SLC23A3: variants seen among roughly 807,000 people sequenced by gnomAD.
SLC23A3 encodes the protein solute carrier family 23 member 3, also known as E2-binding protein 3.
SLC23A3 carries 41 observed loss-of-function variants against 64.7 expected under a neutral mutation model. That is an observed-to-expected ratio of 0.63 (90% confidence interval 0.49 to 0.82). The LOEUF is 0.82. SLC23A3 is among the 40% of genes least tolerant of loss of function. The pLI, the probability that SLC23A3 is intolerant of heterozygous loss-of-function variation, is 0.00. For missense variants in SLC23A3, 647 were observed against 733.4 expected, an observed-to-expected ratio of 0.88 and a Z score of 1.36; for synonymous variants, 281 against 306.8, an observed-to-expected ratio of 0.92 and a Z score of 0.88.
In SLC23A3 at chr2:219,169,544, G is replaced by A. The variant is rs777135657; in HGVS notation, c.297C>T (p.Ile99=). Reference sequence around the variant, plus strand: ...ACCTGCTGCCCATCCAAGTTTGCAGGATGGTAGACATACCACATGAAAAGA... The same window carrying A: ...ACCTGCTGCCCATCCAAGTTTGCAGAATGGTAGACATACCACATGAAAAGA... The part of the protein sequence containing the change: ...SSFFSCGMST[I]LQTWMGSRLP... The change falls in exon 2 of 12, where the codon ATC becomes ATT. Residue 99 remains isoleucine, a synonymous_variant. Coordinates refer to ENST00000409878, the MANE Select transcript of SLC23A3 (RefSeq NM_001144889.2). The surrounding 1 kb of genome is among the most constrained non-coding windows in gnomAD (Gnocchi z 4.5). 3.1e-6 allele frequency: 5 copies of A among 1,614,184 alleles called. No individual in the cohort carries two copies. Among genetic ancestry groups the A allele is most frequent in the Non-Finnish European group, 4.2e-6 (5 of 1,180,046 alleles).
At chr2:219,166,913 G>A (rs1410607704) in intron 7 of SLC23A3, among the ~76,000 whole-genome samples, 2 of 152,204 alleles carry the variant, frequency 1.3e-5, no homozygotes, top group Non-Finnish European at 2.9e-5. Context: ...TTCCTCGGGT[G>A]ACTCTTTAAT....
Position 219,168,024 on chromosome 2 carries a change from A to C in SLC23A3, c.819T>G (p.Cys273Trp). The change falls in exon 7 of 12, where the codon TGT (cysteine) becomes TGG (tryptophan). Residue 273 changes from cysteine (C) to tryptophan (W), a missense_variant. Coordinates refer to ENST00000409878, the MANE Select transcript of SLC23A3 (RefSeq NM_001144889.2). Reference sequence around the variant, plus strand: ...CCACAAAGGCAGAAACAATCCACACACAGGCCACTGGGATCAGCACCTGAG... The same window carrying C: ...CCACAAAGGCAGAAACAATCCACACCCAGGCCACTGGGATCAGCACCTGAG... ...RLLSVLIPVA[C>W]VWIVSAFVGF... 6.3e-7 allele frequency: 1 copy of C among 1,588,408 alleles called. No homozygotes were observed. Among genetic ancestry groups the C allele is most frequent in the Non-Finnish European group, 8.5e-7 (1 of 1,171,756 alleles).
At chr2:219,168,955 C>T in intron 4 of SLC23A3, 74 bp downstream of exon 4, 6 of 1,560,858 alleles carry the variant, frequency 3.8e-6, no homozygotes, top group Non-Finnish European at 5.3e-6. Context: ...GCATCTCAGT[C>T]TGTGCATAAT....
intron 5 of SLC23A3, 55 bp downstream of exon 5, chr2:219,168,597 G>T: frequency 6.5e-7 from 1 of 1,548,126 alleles, no homozygotes; most frequent in East Asian, 2.3e-5. Flanking sequence ...CCCTCCCCTA[G>T]TCCCCCCATA....
Position 219,163,559 on chromosome 2 carries a change from T to C in SLC23A3, c.1274-4A>G. The stretch of plus-strand genomic sequence containing the variant: ...TGGGTCACCCCCAGCACCCCACCTG[T>C]CTCATACAGAAGAAATCAAGGGGGT... On this transcript the variant is annotated splice_region_variant and splice_polypyrimidine_tract_variant and intron_variant, in intron 9 of 11. Transcript: ENST00000409878. 6.2e-7 allele frequency: 1 copy of C among 1,613,990 alleles called. No homozygotes were observed. Among genetic ancestry groups the C allele is most frequent in the Non-Finnish European group, 8.5e-7 (1 of 1,180,006 alleles).
At position 219,168,337 on chromosome 2, in the gene SLC23A3, T is replaced by C. The variant is rs1950024988; in HGVS notation, c.675-19A>G. The C allele has an allele frequency of 2.5e-6, 4 of 1,571,742 alleles. No homozygotes were observed. Among genetic ancestry groups the C allele is most frequent in the Non-Finnish European group, 3.5e-6 (4 of 1,158,990 alleles). On this transcript the variant is annotated intron_variant, in intron 5 of 11. Transcript: ENST00000409878. ...GATAACCCTAGGAGACAGAAGGCTT[T>C]AGGAGCAAGAGGCAGTGGGTATCCT...
chr2:219,167,862 T>G, intron 7 of SLC23A3, 68 bp downstream of exon 7: 1 of 1,202,242 alleles, frequency 8.3e-7, no homozygotes, highest in Non-Finnish European at 1.2e-6. Context: ...TAAAATCCAT[T>G]AAGTTCTTTG....
chr2:219,163,041 CCTT>C (rs146422148), intron 10 of SLC23A3, among the ~76,000 whole-genome samples: 2,773 of 152,290 alleles, frequency 0.018, 88 homozygotes, highest in African/African-American at 0.062. Flanking sequence ...TCAGGAATGA[CCTT>C]CTTCTCACCA....
Position 219,168,671 on chromosome 2 carries a change from G to C in SLC23A3, c.655C>G (p.His219Asp), listed in dbSNP as rs1243139086. The C allele has an allele frequency of 6.2e-7, 1 of 1,613,862 alleles. No individual in the cohort carries two copies. Among genetic ancestry groups the C allele is most frequent in the Non-Finnish European group, 8.5e-7 (1 of 1,179,902 alleles). The change falls in exon 5 of 12, where the codon CAC becomes GAC. Residue 219 changes from histidine to aspartate, a missense_variant. By Grantham distance (81) the His-to-Asp change is moderately conservative. Coordinates refer to ENST00000409878, the MANE Select transcript of SLC23A3 (RefSeq NM_001144889.2). ...HREVAQFCFTHWGLALLVILL... is the reference protein window; with the variant it reads ...HREVAQFCFTDWGLALLVILL... Reference sequence around the variant, plus strand: ...ACGTACAGCAAGGCCAACCCCCAGTGTGTGAAGCAGAACTGGGCTACCTCC... The same window carrying C: ...ACGTACAGCAAGGCCAACCCCCAGTCTGTGAAGCAGAACTGGGCTACCTCC...
In SLC23A3 at chr2:219,164,387, C is replaced by G. The variant is rs896365528; in HGVS notation, c.1168-49G>C. 3.9e-6 allele frequency: 5 copies of G among 1,271,984 alleles called. No individual in the cohort carries two copies. The African/African-American group carries it at 7.4e-5, about 19-fold the overall frequency. 78.8% of individuals were successfully genotyped at this position (1,271,984 alleles called of 1,614,324 possible). A position where few individuals can be genotyped will look rare whatever the true frequency, so the allele number is the denominator to read the frequency against. On this transcript the variant is annotated intron_variant, in intron 8 of 11. Coordinates refer to ENST00000409878, the MANE Select transcript of SLC23A3 (RefSeq NM_001144889.2). ...AAACACAGCCACTTCCTCAGACTGTCCCAGGTCTTTGCCTTACTGGTTCCT... is the reference window on the plus strand; with the variant it reads ...AAACACAGCCACTTCCTCAGACTGTGCCAGGTCTTTGCCTTACTGGTTCCT...
In SLC23A3 at chr2:219,164,223, A is replaced by C. The variant is rs759462861; in HGVS notation, c.1273+10T>G. ...AGTTCAATACCAGCCCTGTTGATAC[A>C]TCCACTCACCAACAACAGGCAGTGG... On this transcript the variant is annotated intron_variant, in intron 9 of 11. Transcript: ENST00000409878. 2 of 1,580,242 alleles carry C rather than the reference A, an allele frequency of 1.3e-6. No homozygotes were observed. Among genetic ancestry groups the C allele is most frequent in the Non-Finnish European group, 1.7e-6 (2 of 1,154,396 alleles).
chr2:219,166,901 A>G (rs1950010063), intron 7 of SLC23A3, among the ~76,000 whole-genome samples: 1 of 152,120 alleles, frequency 6.6e-6, no homozygotes, highest in South Asian at 2.1e-4. Context: ...GCAATTTTAT[A>G]TTTCCTCGGG....
chr2:219,168,478 A>T, intron 5 of SLC23A3, 160 bp from the exon 6 acceptor site: 2 of 1,127,178 alleles, frequency 1.8e-6, no homozygotes, highest in Non-Finnish European at 2.5e-6. Context: ...AGCAGAAAAC[A>T]GTGTGAAATT....
rs1452878482 is a variant in SLC23A3, at chr2:219,165,290, G to A, written c.1046C>T (p.Pro349Leu). The part of the protein sequence containing the change: ...GRLLHLPPPP[P>L]HACSRGLSLE... ...GCTCAGCCCTCGACTGCAGGCATGT[G>A]GAGGTGGGGGAGGCAAATGCAGCAG... The change falls in exon 8 of 12, where the codon CCA (proline) becomes CTA (leucine). Residue 349 changes from proline to leucine, a missense_variant. Pro to Leu is a moderately conservative substitution (Grantham distance 98). Transcript: ENST00000409878. 3 of 1,551,638 alleles carry A rather than the reference G, an allele frequency of 1.9e-6. No homozygotes were observed. The South Asian group carries it at 3.6e-5, about 18-fold the overall frequency.
chr2:219,162,549 C>T (rs549905119), intron 10 of SLC23A3, among the ~76,000 whole-genome samples, 155 bp from the exon 11 acceptor site: 1 of 152,324 alleles, frequency 6.6e-6, no homozygotes, highest in African/African-American at 2.4e-5. Context: ...TTCTACTCTC[C>T]ACTTTCCAAA....
Position 219,165,406 on chromosome 2 carries a change from A to G in SLC23A3, c.930T>C (p.Pro310=). 1.3e-6 allele frequency: 2 copies of G among 1,550,558 alleles called. No homozygotes were observed. Among genetic ancestry groups the G allele is most frequent in the African/African-American group, 2.7e-5 (2 of 73,166 alleles). The change falls in exon 8 of 12, where the codon CCT becomes CCC. Residue 310 remains proline (P), a synonymous_variant. Transcript: ENST00000409878. Reference sequence around the variant, plus strand: ...CAGCCAGAGCTCTGGGCGTCAGCAAAGGCCAATTCCACTCACCTGGGGAGG... The same window carrying G: ...CAGCCAGAGCTCTGGGCGTCAGCAAGGGCCAATTCCACTCACCTGGGGAGG... ...WLPHPGEWNW[P]LLTPRALAAG...
chr2:219,168,481 G>A (rs1950026146), intron 5 of SLC23A3, 163 bp from the exon 6 acceptor site: 2 of 1,128,162 alleles, frequency 1.8e-6, no homozygotes, highest in South Asian at 1.6e-5. Flanking sequence ...AGAAAACAGT[G>A]TGAAATTCAA....
rs1373596866 is a variant in SLC23A3, at chr2:219,162,380, C to A, written c.1456G>T (p.Asp486Tyr). The A allele has an allele frequency of 6.8e-6, 11 of 1,613,620 alleles. No individual in the cohort carries two copies. The highest frequency in any genetic ancestry group is 6.7e-5 in the Admixed American group (4 of 59,926). The change falls in exon 11 of 12, where the codon GAT becomes TAT. Residue 486 changes from aspartate to tyrosine, a missense_variant. Physicochemically the swap from Asp to Tyr is radical, Grantham distance 160. Transcript: ENST00000409878. ...GTCAGCAGTGAGTGCAGTAATACAT[C>A]CAAGGGGCTCCAGCCTATGAAGAGT... ...VLFSTGWSPL[D>Y]VLLHSLLTQP...
rs1461909929 is a variant in SLC23A3 at position 219,169,869 on chromosome 2, A to G, written c.116T>C (p.Leu39Ser). 1.2e-6 allele frequency: 2 copies of G among 1,613,744 alleles called. No individual in the cohort carries two copies. The highest frequency in any genetic ancestry group is 1.7e-6 in the Non-Finnish European group (2 of 1,179,866). ...QNPSTHSWDP[L>S]CGSLPWGLSC... ...GAGGCCCCAAGGCAGAGATCCACAC[A>G]AAGGGTCCCAAGAGTGGGTGGAGGG... Residue 39 changes from leucine to serine, a missense_variant, in exon 1 of 12, where the codon TTG (leucine) becomes TCG (serine). Transcript: ENST00000409878. The surrounding 1 kb of genome is among the most constrained non-coding windows in gnomAD (Gnocchi z 4.5).
Sources: allele counts gnomAD v4.1 joint callset (sites outside exome capture counted in the v4.1 genomes callset), GRCh38; gene constraint gnomAD v4.1.1; non-coding constraint Gnocchi (gnomAD v3.1); transcripts MANE v1.5; gene names NCBI Gene and HGNC (gene_info 2026-07-23, HGNC 2026-07-21).